The following TYW1 variants were observed in gnomAD, a reference collection of about 807,000 sequenced individuals.
The protein encoded by TYW1 is tRNA-yW synthesizing protein 1 homolog.
In TYW1, 46 loss-of-function variants were observed where a neutral mutation model predicts 96.2. The ratio of observed to expected loss-of-function variants is 0.48; its 90% CI spans 0.38 to 0.61. The LOEUF is 0.61. TYW1 is among the 20% of genes least tolerant of loss of function. The pLI, the probability that TYW1 is intolerant of heterozygous loss-of-function variation, is 0.00. For synonymous variants in TYW1, 274 were observed against 323.0 expected (o/e 0.85, Z 1.63); for missense variants, 684 against 909.6 (o/e 0.75, Z 3.19).
intron 15 of TYW1, among the ~76,000 whole-genome samples, chr7:67,216,829 C>G (rs76078883): frequency 0.25 from 36,085 of 147,266 alleles, 3,588 homozygotes; most frequent in African/African-American, 0.31. Flanking sequence ...ATTTCTTATT[C>G]AATCTATGAA....
intron 13 of TYW1, among the ~76,000 whole-genome samples, chr7:67,142,352 C>T (rs1471837821): frequency 6.6e-6 from 1 of 152,140 alleles, no homozygotes; most frequent in South Asian, 2.1e-4. Context: ...GGTTTTCCTA[C>T]CTTGGCCTCC....
chr7:67,120,177 G>T (rs1692208840), intron 13 of TYW1, among the ~76,000 whole-genome samples: 1 of 152,004 alleles, frequency 6.6e-6, no homozygotes, highest in South Asian at 2.1e-4. Flanking sequence ...TGCCTCCTGG[G>T]TTCAAGTGAT....
chr7:67,071,946 C>G (rs1484562135), intron 10 of TYW1, among the ~76,000 whole-genome samples: 2 of 150,966 alleles, frequency 1.3e-5, no homozygotes, highest in African/African-American at 4.9e-5. Context: ...AATGTTTAGC[C>G]AGGCCATTTA....
chr7:67,232,224 G>A (rs931843565), intron 15 of TYW1, among the ~76,000 whole-genome samples: 14 of 151,254 alleles, frequency 9.3e-5, no homozygotes, highest in African/African-American at 2.9e-4. Context: ...GAGTGTCTGC[G>A]CCCAGCCACT....
chr7:67,112,485 G>A (rs921022808), intron 12 of TYW1, among the ~76,000 whole-genome samples: 4 of 151,914 alleles, frequency 2.6e-5, no homozygotes, highest in African/African-American at 4.8e-5. Context: ...GTGTGGTGGT[G>A]CGTGCCTGTA....
intron 10 of TYW1, among the ~76,000 whole-genome samples, chr7:67,080,146 T>C (rs1796335667): frequency 6.6e-6 from 1 of 152,238 alleles, no homozygotes; most frequent in Non-Finnish European, 1.5e-5. Flanking sequence ...CTAGGTGATC[T>C]GTCCAATTCT....
chr7:67,050,900 C>CT (rs1322952730), intron 8 of TYW1, among the ~76,000 whole-genome samples: 146 of 149,706 alleles, frequency 9.8e-4, no homozygotes, highest in Middle Eastern at 6.8e-3. Flanking sequence ...CACTATACCT[C>CT]TTTTTTTTTC....
chr7:67,198,957 A>G (rs1800496589), intron 15 of TYW1, among the ~76,000 whole-genome samples: 1 of 152,072 alleles, frequency 6.6e-6, no homozygotes, highest in South Asian at 2.1e-4. Context: ...GAACTTTGGG[A>G]GACCGAGGCA....
At chr7:67,169,097 G>C (rs1020266209) in intron 13 of TYW1, among the ~76,000 whole-genome samples, 2 of 151,748 alleles carry the variant, frequency 1.3e-5, no homozygotes, top group East Asian at 1.9e-4. Flanking sequence ...TTATTTTATG[G>C]CATTTCTTCT....
intron 7 of TYW1, among the ~76,000 whole-genome samples, chr7:67,033,982 C>T (rs540228816): frequency 2.0e-5 from 3 of 151,812 alleles, no homozygotes; most frequent in African/African-American, 7.2e-5. Flanking sequence ...CGTGAGCCAC[C>T]GTTCCTGGCC....
intron 14 of TYW1, among the ~76,000 whole-genome samples, chr7:67,187,712 A>G (rs745366408): frequency 2.0e-5 from 3 of 152,214 alleles, no homozygotes; most frequent in African/African-American, 4.8e-5. Flanking sequence ...CCTTGATTAC[A>G]TTTTCAATGT....
intron 12 of TYW1, among the ~76,000 whole-genome samples, chr7:67,106,448 C>T (rs1797247357): frequency 2.9e-5 from 4 of 135,748 alleles, no homozygotes; most frequent in South Asian, 2.3e-4. Flanking sequence ...TATAGCTCCA[C>T]GCTGTAATGC....
rs562650644 is a variant in TYW1 at position 67,132,249 on chromosome 7, C to T, written c.1698+14631C>T. Among the ~76,000 whole-genome samples, 3 of 150,928 alleles carry T rather than the reference C, an allele frequency of 2.0e-5. No homozygotes were observed. In the South Asian group the frequency reaches 6.3e-4, roughly 32 times the overall value. ...CTTCAGCCTCCCAAGTAGCTAGAGA[C>T]AATAGGTGTCCGCCACTGTGCCCGG... is the stretch of plus-strand genomic sequence containing the variant. On this transcript the variant is annotated intron_variant, in intron 13 of 15. Coordinates refer to ENST00000359626, the MANE Select transcript of TYW1 (RefSeq NM_018264.4).
intron 8 of TYW1, among the ~76,000 whole-genome samples, chr7:67,050,280 T>G (rs1206228358): frequency 1.3e-5 from 2 of 152,154 alleles, no homozygotes; most frequent in Non-Finnish European, 2.9e-5. Flanking sequence ...GATATTACTA[T>G]CAGTGTGGGT....
chr7:67,018,549 A>G (rs552005336), intron 6 of TYW1, among the ~76,000 whole-genome samples: 1 of 151,958 alleles, frequency 6.6e-6, no homozygotes, highest in Admixed American at 6.6e-5. Flanking sequence ...CCAAAAACAA[A>G]GACAGAAACA....
chr7:67,116,633 G>A (rs1200030198), intron 12 of TYW1, among the ~76,000 whole-genome samples: 1 of 152,122 alleles, frequency 6.6e-6, no homozygotes, highest in Non-Finnish European at 1.5e-5. Flanking sequence ...AGACTGCAGT[G>A]AGCTGTGATT....
chr7:67,040,929 C>G (rs539443009), intron 7 of TYW1, among the ~76,000 whole-genome samples: 5 of 152,164 alleles, frequency 3.3e-5, no homozygotes, highest in African/African-American at 1.2e-4. Context: ...ATTTTCTTTG[C>G]TTTTTCATCT....
chr7:67,122,402 A>G (rs950106563), intron 13 of TYW1, among the ~76,000 whole-genome samples: 11 of 152,212 alleles, frequency 7.2e-5, no homozygotes, highest in African/African-American at 2.4e-4. Context: ...GCCAATTTGC[A>G]AATTAAAAAA....
At chr7:67,236,322 A>G (rs1440000260) in intron 15 of TYW1, among the ~76,000 whole-genome samples, 1 of 152,158 alleles carries the variant, frequency 6.6e-6, no homozygotes, top group Non-Finnish European at 1.5e-5. Flanking sequence ...CGTCTGTGGG[A>G]AGTTGAGAGA....
Sources: allele counts gnomAD v4.1 joint callset (sites outside exome capture counted in the v4.1 genomes callset), GRCh38; gene constraint gnomAD v4.1.1; transcripts MANE v1.5; gene names NCBI Gene and HGNC (gene_info 2026-07-23, HGNC 2026-07-21).